The following CYP4F8 variants were observed in gnomAD, a reference collection of about 807,000 sequenced individuals.
CYP4F8 encodes cytochrome P450 family 4 subfamily F member 8, also known as cytochrome P450 4F8.
Under a neutral mutation model 55.0 loss-of-function variants are expected in CYP4F8, and 56 were observed. The observed-to-expected ratio is 1.02, with a 90% CI of 0.82 to 1.27. The LOEUF (loss-of-function observed/expected upper bound fraction) is 1.27. CYP4F8 is among the 50% of genes most tolerant of loss of function. The pLI is 0.00. For synonymous variants in CYP4F8, 288 were observed against 267.3 expected, an observed-to-expected ratio of 1.08 and a Z score of -0.76; for missense variants, 680 against 682.4, an observed-to-expected ratio of 1.00 and a Z score of 0.04.
At chr19:15,622,620 C>G (rs1472055692) in intron 6 of CYP4F8, among the ~76,000 whole-genome samples, 1 of 146,936 alleles carries the variant, frequency 6.8e-6, no homozygotes, top group Non-Finnish European at 1.5e-5. Context: ...GAGGGGTTGG[C>G]AGTTAACTAG....
chr19:15,619,559 TGGACG>T lies in CYP4F8; in HGVS notation c.397+24_397+28del. 1 of 1,614,156 alleles carries T rather than the reference TGGACG, an allele frequency of 6.2e-7. No individual in the cohort carries two copies. Among genetic ancestry groups the T allele is most frequent in the South Asian group, 1.1e-5 (1 of 91,082 alleles). On this transcript the variant is annotated intron_variant, in intron 4 of 12. Transcript: ENST00000612078. The stretch of plus-strand genomic sequence containing the variant: ...CCCTGGCTGGGTAAGTAACTGTAGG[TGGACG>T]GGACGGGGACCAACTTTTGTGGCCA...
Position 15,629,305 on chromosome 19 carries a change from ATT to A in CYP4F8, c.1511_1512del (p.Ile504SerfsTer42), listed in dbSNP as rs1200372583. 10 of 1,612,958 alleles carry A rather than the reference ATT, an allele frequency of 6.2e-6. No homozygotes were observed. Among genetic ancestry groups the A allele is most frequent in the Non-Finnish European group, 8.5e-6 (10 of 1,179,582 alleles). On this transcript the variant is annotated frameshift_variant, in exon 13 of 13. Coordinates refer to ENST00000612078, the MANE Select transcript of CYP4F8 (RefSeq NM_007253.4). LOFTEE classifies it high-confidence loss of function. The stretch of plus-strand genomic sequence containing the variant: ...CAGGGAGCCACGCAGGACGCCGGAG[ATT>A]GTTTTGCGTGCGGAGGACGGACTTT... ...DHREPRRTPE[I>X]VLRAEDGLWL... is the part of the protein sequence containing the mutation.
rs1157981439 is a variant in CYP4F8, at chr19:15,623,996, G to C, written c.1017G>C (p.Trp339Cys). The change falls in exon 9 of 13, where the codon TGG (tryptophan) becomes TGC (cysteine). Residue 339 changes from tryptophan to cysteine, a missense_variant. Physicochemically the swap from Trp to Cys is radical, Grantham distance 215. Coordinates refer to ENST00000612078, the MANE Select transcript of CYP4F8 (RefSeq NM_007253.4). ...GHDTTASGLS[W>C]VLYNLARHPE... ...ACACCACGGCCAGTGGCCTCTCCTG[G>C]GTCTTGTACAACCTCGCGAGGCACC... is the stretch of plus-strand genomic sequence containing the variant. The C allele has an allele frequency of 6.2e-7, 1 of 1,614,174 alleles. No homozygotes were observed.
intron 2 of CYP4F8, among the ~76,000 whole-genome samples, chr19:15,617,483 C>CATCCATCTATCTATCT (rs953653615): frequency 6.7e-6 from 1 of 149,564 alleles, no homozygotes; most frequent in Non-Finnish European, 1.5e-5. Context: ...TCAATATCTA[C>CATCCATCTATCTATCT]ATCTATCTAT....
chr19:15,617,169 C>T (rs1045263815), intron 2 of CYP4F8, among the ~76,000 whole-genome samples: 17 of 152,272 alleles, frequency 1.1e-4, no homozygotes, highest in East Asian at 1.9e-4. Flanking sequence ...GCCCACCCCA[C>T]GTGACTTTCC....
At chr19:15,620,289 T>C (rs1972176907) in intron 5 of CYP4F8, among the ~76,000 whole-genome samples, 1 of 152,186 alleles carries the variant, frequency 6.6e-6, no homozygotes, top group Admixed American at 6.5e-5. Context: ...ACACCTGGAC[T>C]TTTCTCCATG....
At chr19:15,620,791 A>G (rs1035896559) in intron 5 of CYP4F8, among the ~76,000 whole-genome samples, 6 of 152,240 alleles carry the variant, frequency 3.9e-5, no homozygotes, top group Non-Finnish European at 7.3e-5. Flanking sequence ...AATAGGCTCC[A>G]TCTCTTAATG....
At position 15,617,872 on chromosome 19, in the gene CYP4F8, T is replaced by G. The variant is rs945649544; in HGVS notation, c.199-128T>G. 33 of 1,216,218 alleles carry G rather than the reference T, an allele frequency of 2.7e-5. No individual in the cohort carries two copies. In the African/African-American group the frequency reaches 4.4e-4, roughly 16 times the overall value. 75.3% of individuals were successfully genotyped at this position (1,216,218 alleles called of 1,614,324 possible). A position where few individuals can be genotyped will look rare whatever the true frequency, so the allele number is the denominator to read the frequency against. ...GGAGATCCTCCTTCCTCAGTTTTCC[T>G]TCAAATGCTAATCTCTCCTGAAACA... On this transcript the variant is annotated intron_variant, in intron 2 of 12. Transcript: ENST00000612078.
At chr19:15,616,765 C>T (rs574477297) in intron 2 of CYP4F8, among the ~76,000 whole-genome samples, 1 of 152,232 alleles carries the variant, frequency 6.6e-6, no homozygotes, top group Non-Finnish European at 1.5e-5. Flanking sequence ...CAGTGACTTC[C>T]TCTTTAAAGT....
chr19:15,626,151 GCTT>G (rs1199709317), intron 9 of CYP4F8, among the ~76,000 whole-genome samples: 2 of 152,160 alleles, frequency 1.3e-5, no homozygotes, highest in Admixed American at 6.5e-5. Flanking sequence ...TACCTGGACT[GCTT>G]CTATCTCTCC....
At chr19:15,620,953 A>G (rs1264049435) in intron 5 of CYP4F8, among the ~76,000 whole-genome samples, 2 of 152,160 alleles carry the variant, frequency 1.3e-5, no homozygotes, top group Non-Finnish European at 2.9e-5. Flanking sequence ...GCCAGAAGAC[A>G]CGAGACTTCT....
At chr19:15,620,225 C>G (rs1972176281) in intron 5 of CYP4F8, among the ~76,000 whole-genome samples, 1 of 152,110 alleles carries the variant, frequency 6.6e-6, no homozygotes, top group Non-Finnish European at 1.5e-5. Flanking sequence ...TCAGTTCTCT[C>G]ACATATTTGG....
In CYP4F8 at chr19:15,623,253, T is replaced by C. The variant is rs112599994; in HGVS notation, c.796T>C (p.Phe266Leu). The change falls in exon 7 of 13, where the codon TTC (phenylalanine) becomes CTC (leucine). Residue 266 changes from phenylalanine to leucine, a missense_variant. Coordinates refer to ENST00000612078, the MANE Select transcript of CYP4F8 (RefSeq NM_007253.4). ...FHRACRLVHD[F>L]TDAVIQERRR... ...CAGGGCCTGCAGACTGGTGCACGACTTCACAGATGCCGTCATCCAGGAGCG... is the reference window on the plus strand; with the variant it reads ...CAGGGCCTGCAGACTGGTGCACGACCTCACAGATGCCGTCATCCAGGAGCG... The C allele has an allele frequency of 4.2e-5, 67 of 1,614,064 alleles. No individual in the cohort carries two copies. The African/African-American group carries it at 6.4e-4, about 15-fold the overall frequency.
At chr19:15,623,869 C>A in intron 8 of CYP4F8, 96 bp from the exon 9 acceptor site, 1 of 1,595,510 alleles carries the variant, frequency 6.3e-7, no homozygotes, top group Non-Finnish European at 8.6e-7. Flanking sequence ...CCTCCCCCTC[C>A]CCTCAACCTT....
rs912131199 is a variant in CYP4F8 at position 15,628,445 on chromosome 19, A to G, written c.1249+10A>G. 2 of 1,613,788 alleles carry G rather than the reference A, an allele frequency of 1.2e-6. No individual in the cohort carries two copies. Among genetic ancestry groups the G allele is most frequent in the South Asian group, 2.2e-5 (2 of 91,082 alleles). On this transcript the variant is annotated intron_variant, in intron 10 of 12. Coordinates refer to ENST00000612078, the MANE Select transcript of CYP4F8 (RefSeq NM_007253.4). ...CGAGTCATCCCCAAAGGTGCCCTCC[A>G]TGGCAGGGGAGGAGGGTCCTGGGCA...
chr19:15,628,101 C>A, intron 9 of CYP4F8: 1 of 750,966 alleles, frequency 1.3e-6, no homozygotes, highest in Non-Finnish European at 2.1e-6. Flanking sequence ...TATTGTTTTG[C>A]TCAGAAATAC....
intron 8 of CYP4F8, 99 bp from the exon 9 acceptor site, chr19:15,623,866 C>G (rs2144608222): frequency 3.8e-6 from 6 of 1,594,654 alleles, no homozygotes; most frequent in African/African-American, 1.3e-5. Context: ...CAACCTCCCC[C>G]TCCCCTCAAC....
In CYP4F8 at chr19:15,625,882, T is replaced by C. The variant is rs1972256191; in HGVS notation, c.1115+1788T>C. Among the ~76,000 whole-genome samples, 3 of 152,240 alleles carry C rather than the reference T, an allele frequency of 2.0e-5. No homozygotes were observed. The South Asian group carries it at 6.2e-4, about 31-fold the overall frequency. On this transcript the variant is annotated intron_variant, in intron 9 of 12. Coordinates refer to ENST00000612078, the MANE Select transcript of CYP4F8 (RefSeq NM_007253.4). ...TATGATTACAAAATGGTGGATACTTTTATCTGTAAAACTTGTTGTTGGGGT... is the reference window on the plus strand; with the variant it reads ...TATGATTACAAAATGGTGGATACTTCTATCTGTAAAACTTGTTGTTGGGGT...
chr19:15,626,283 C>T (rs944290562), intron 9 of CYP4F8, among the ~76,000 whole-genome samples: 1 of 152,202 alleles, frequency 6.6e-6, no homozygotes, highest in Non-Finnish European at 1.5e-5. Context: ...TTGGCCATGT[C>T]CTGGAGGTTG....
Sources: gnomAD v4.1 joint callset for allele counts (sites outside exome capture counted in the v4.1 genomes callset) on GRCh38, gnomAD v4.1.1 for gene constraint, MANE v1.5 for transcripts, NCBI Gene and HGNC (gene_info 2026-07-23, HGNC 2026-07-21) for gene names.